The following COL14A1 variants were observed in gnomAD, a reference collection of about 807,000 sequenced individuals.
The protein encoded by COL14A1 is collagen type XIV alpha 1 chain.
A neutral mutation model predicts 230.3 loss-of-function variants in COL14A1; 136 were observed. That is an observed-to-expected ratio of 0.59 (90% CI 0.51 to 0.68). The LOEUF (loss-of-function observed/expected upper bound fraction) is 0.68. Among genes scored for constraint, COL14A1 ranks in the 30% least tolerant of loss-of-function variants. COL14A1 has a pLI of 0.00. For missense variants in COL14A1, 1,976 were observed against 2,215.8 expected (o/e 0.89, Z 2.17); for synonymous variants, 792 against 784.1 (o/e 1.01, Z -0.17).
chr8:120,266,864 C>A lies in COL14A1; in HGVS notation c.3054C>A (p.Thr1018=). ...CACGACCACCAACTTTTCCTCCAAC[C>A]ATTCCACCAGCAAAAGAAGGTAAAA... ...LPTRPPTFPP[T]IPPAKEVCKA... Residue 1018 remains threonine, a synonymous_variant, in exon 25 of 48, where the codon ACC becomes ACA. Transcript: ENST00000297848. 1 of 1,611,798 alleles carries A rather than the reference C, an allele frequency of 6.2e-7. No individual in the cohort carries two copies. Among genetic ancestry groups the A allele is most frequent in the Non-Finnish European group, 8.5e-7 (1 of 1,178,318 alleles).
At chr8:120,235,797 A>G (rs1314447121) in intron 19 of COL14A1, among the ~76,000 whole-genome samples, 1 of 152,200 alleles carries the variant, frequency 6.6e-6, no homozygotes, top group Non-Finnish European at 1.5e-5. Flanking sequence ...GCTGTGTTCC[A>G]GAGATTCTGG....
intron 1 of COL14A1, among the ~76,000 whole-genome samples, chr8:120,129,318 A>G (rs1345176538): frequency 6.6e-6 from 1 of 152,212 alleles, no homozygotes; most frequent in Admixed American, 6.5e-5. Flanking sequence ...ATGTAAAGCT[A>G]CCCTTTATAC....
At chr8:120,154,240 A>AAAG (rs967721145) in intron 2 of COL14A1, among the ~76,000 whole-genome samples, 4 of 152,174 alleles carry the variant, frequency 2.6e-5, no homozygotes, top group African/African-American at 4.8e-5. Context: ...AGGAGGGAAG[A>AAAG]AAGGGACAGC....
chr8:120,204,884 T>G (rs1364990981), intron 9 of COL14A1, among the ~76,000 whole-genome samples: 2 of 152,136 alleles, frequency 1.3e-5, no homozygotes, highest in African/African-American at 4.8e-5. Context: ...AGGCTCTTCA[T>G]GTGGTCTCTC....
intron 22 of COL14A1, among the ~76,000 whole-genome samples, chr8:120,252,915 A>C (rs1586806263): frequency 6.6e-6 from 1 of 152,188 alleles, no homozygotes; most frequent in Non-Finnish European, 1.5e-5. Context: ...CTGTCGTGGA[A>C]TATCTTGAGA....
At chr8:120,266,417 A>G (rs551390471) in intron 24 of COL14A1, among the ~76,000 whole-genome samples, 64 of 152,228 alleles carry the variant, frequency 4.2e-4, no homozygotes, top group Admixed American at 2.2e-3. Flanking sequence ...GCAGGATGGA[A>G]AGGGAAAAGT....
intron 14 of COL14A1, among the ~76,000 whole-genome samples, chr8:120,217,276 A>C (rs1817783704): frequency 6.6e-6 from 1 of 152,230 alleles, no homozygotes; most frequent in African/African-American, 2.4e-5. Flanking sequence ...GTTTTATCTA[A>C]GAAGTACTTT....
intron 6 of COL14A1, 105 bp downstream of exon 6, chr8:120,197,051 G>A: frequency 9.3e-7 from 1 of 1,074,616 alleles, no homozygotes; most frequent in Non-Finnish European, 1.4e-6. Flanking sequence ...TTTCAGGATT[G>A]CAGGATACTC....
intron 34 of COL14A1, among the ~76,000 whole-genome samples, chr8:120,291,481 C>T (rs537283484): frequency 6.7e-6 from 1 of 150,338 alleles, no homozygotes; most frequent in South Asian, 2.1e-4. Flanking sequence ...AATTGCTTGA[C>T]CCCAGGAGGC....
chr8:120,364,805 C>T (rs546422637), intron 45 of COL14A1, among the ~76,000 whole-genome samples: 2 of 150,806 alleles, frequency 1.3e-5, no homozygotes, highest in South Asian at 4.2e-4. Context: ...ATCGCCTGAA[C>T]CCAGGAGGCG....
At chr8:120,367,370 T>A in intron 46 of COL14A1, 122 bp downstream of exon 46, 2 of 778,428 alleles carry the variant, frequency 2.6e-6, no homozygotes, top group Non-Finnish European at 4.1e-6. Flanking sequence ...TATTTCTTAC[T>A]TGTTTTATTG....
rs573149185 is a variant in COL14A1 at position 120,280,008 on chromosome 8, C to G, written c.3555C>G (p.Ser1185Arg). The G allele has an allele frequency of 1.2e-6, 2 of 1,613,728 alleles. No individual in the cohort carries two copies. Among genetic ancestry groups the G allele is most frequent in the Non-Finnish European group, 1.7e-6 (2 of 1,179,874 alleles). The change falls in exon 29 of 48, where the codon AGC (serine) becomes AGG (arginine). Residue 1185 changes from serine (S) to arginine (R), a missense_variant. Ser to Arg is a moderately radical substitution (Grantham distance 110, BLOSUM62 -1). Transcript: ENST00000297848. ...SELVSIGSKP[S>R]ARHVFFVDDF... The stretch of plus-strand genomic sequence containing the variant: ...TGGTTAGCATTGGCAGTAAGCCCAG[C>G]GCACGCCATGTCTTCTTTGTGGATG...
chr8:120,204,771 C>T (rs377544608), intron 9 of COL14A1, among the ~76,000 whole-genome samples: 5 of 152,158 alleles, frequency 3.3e-5, no homozygotes, highest in Non-Finnish European at 5.9e-5. Context: ...TGCTACTGGA[C>T]GGTGGTGAAA....
At chr8:120,292,159 A>G (rs1820394870) in intron 34 of COL14A1, among the ~76,000 whole-genome samples, 1 of 152,152 alleles carries the variant, frequency 6.6e-6, no homozygotes, top group Admixed American at 6.5e-5. Flanking sequence ...ATTTTAACGT[A>G]TACTGTATGT....
intron 43 of COL14A1, among the ~76,000 whole-genome samples, chr8:120,342,156 A>C (rs1051949646): frequency 3.9e-5 from 6 of 152,216 alleles, no homozygotes; most frequent in African/African-American, 1.4e-4. Context: ...AGAAATACTT[A>C]CTAGTGCTTG....
chr8:120,280,586 A>T (rs1820003275), intron 29 of COL14A1, 125 bp from the exon 30 acceptor site: 5 of 905,038 alleles, frequency 5.5e-6, no homozygotes, highest in Non-Finnish European at 8.6e-6. Context: ...GTCACATTTG[A>T]TTTGTATTCT....
At chr8:120,198,075 A>AATGCTGAGTTTG in intron 7 of COL14A1, 145 bp downstream of exon 7, 1 of 788,278 alleles carries the variant, frequency 1.3e-6, no homozygotes, top group Non-Finnish European at 2.0e-6. Context: ...TCCCAAACTC[A>AATGCTGAGTTTG]GCATTGAGTT....
intron 33 of COL14A1, among the ~76,000 whole-genome samples, chr8:120,288,934 C>T (rs1820288958): frequency 6.6e-6 from 1 of 152,092 alleles, no homozygotes; most frequent in Non-Finnish European, 1.5e-5. Flanking sequence ...TTATCCAGTT[C>T]ATCTAGAATA....
At chr8:120,190,955 C>T (rs1816803306) in intron 5 of COL14A1, among the ~76,000 whole-genome samples, 1 of 149,098 alleles carries the variant, frequency 6.7e-6, no homozygotes, top group Admixed American at 6.7e-5. Flanking sequence ...ATTAGTCTTG[C>T]TAGCGGTCTA....
Sources: allele counts gnomAD v4.1 joint callset (sites outside exome capture counted in the v4.1 genomes callset), GRCh38; gene constraint gnomAD v4.1.1; transcripts MANE v1.5; gene names NCBI Gene and HGNC (gene_info 2026-07-23, HGNC 2026-07-21).